MAP3K4: variants seen among roughly 807,000 people sequenced by gnomAD.
The protein encoded by MAP3K4 is MAP three kinase 1.
Under a neutral mutation model 185.6 loss-of-function variants are expected in MAP3K4, and 67 were observed. The observed-to-expected ratio is 0.36, with a 90% CI of 0.30 to 0.44. The LOEUF is 0.44. Among genes scored for constraint, MAP3K4 ranks in the 20% least tolerant of loss-of-function variants. The probability of loss-of-function intolerance (pLI) is 1.00; values close to 1 mark genes in which losing one functional copy is unlikely to be tolerated. For missense variants in MAP3K4, 1,551 were observed against 1,995.1 expected, an observed-to-expected ratio of 0.78 and a Z score of 4.24; for synonymous variants, 702 against 710.4, an observed-to-expected ratio of 0.99 and a Z score of 0.19.
chr6:161,049,369 C>T lies in MAP3K4; in HGVS notation c.1097C>T (p.Ala366Val). Residue 366 changes from alanine (A) to valine (V), a missense_variant, in exon 3 of 27, where the codon GCA (alanine) becomes GTA (valine). By Grantham distance (64) the Ala-to-Val change is moderately conservative. Transcript: ENST00000392142. The surrounding 1 kb of genome is among the most constrained non-coding windows in gnomAD (Gnocchi z 8.4). ...ATGGAGCTGCTAGAGTACATAGAAG[C>T]ACTTTATCCATCATTGCAGGCTCTT... ...RIMELLEYIE[A>V]LYPSLQALQK... 1 of 1,614,148 alleles carries T rather than the reference C, an allele frequency of 6.2e-7. No homozygotes were observed. The highest frequency in any genetic ancestry group is 8.5e-7 in the Non-Finnish European group (1 of 1,180,014).
intron 1 of MAP3K4, among the ~76,000 whole-genome samples, chr6:161,028,658 CT>C (rs1046158888): frequency 4.4e-4 from 65 of 146,784 alleles, no homozygotes; most frequent in Non-Finnish European, 5.1e-4. Flanking sequence ...CATAGGAAAT[CT>C]TTTTTTTTTT....
chr6:161,024,251 G>A (rs182794793), intron 1 of MAP3K4, among the ~76,000 whole-genome samples: 163 of 152,144 alleles, frequency 1.1e-3, no homozygotes, highest in Non-Finnish European at 1.6e-3. Context: ...TTATAGATGC[G>A]AGCCGCCACA....
At position 161,093,074 on chromosome 6, in the gene MAP3K4, G is replaced by GT. The variant is rs755721650; in HGVS notation, c.3348+25dup. The GT allele has an allele frequency of 3.9e-6, 6 of 1,553,598 alleles. No homozygotes were observed. Among genetic ancestry groups the GT allele is most frequent in the East Asian group, 2.3e-5 (1 of 43,902 alleles). The stretch of plus-strand genomic sequence containing the variant: ...ACTTCTTGGTATGGATTATTCTAAA[G>GT]TTTTTTTCATTATAAAATAAGCCAG... On this transcript the variant is annotated intron_variant, in intron 14 of 26. Transcript: ENST00000392142. This position sits in a 1 kb window ranked among gnomAD's most constrained non-coding sequence, Gnocchi z 5.2.
At position 161,109,924 on chromosome 6, in the gene MAP3K4, C is replaced by T. The variant is rs1583247706; in HGVS notation, c.4396+10C>T. The T allele has an allele frequency of 1.2e-6, 2 of 1,613,216 alleles. No homozygotes were observed. The highest frequency in any genetic ancestry group is 2.2e-5 in the East Asian group (1 of 44,876). On this transcript the variant is annotated intron_variant, in intron 23 of 26. Transcript: ENST00000392142. This position sits in a 1 kb window ranked among gnomAD's most constrained non-coding sequence, Gnocchi z 5.7. ...CACCGTGACATTAAAGGTAATCCCA[C>T]ACCCGCCTGGCTGCTGTGGGCCAGA...
chr6:161,029,921 T>G (rs1331807872), intron 1 of MAP3K4, among the ~76,000 whole-genome samples: 2 of 152,206 alleles, frequency 1.3e-5, no homozygotes, highest in Non-Finnish European at 2.9e-5. Context: ...AATATGTTAC[T>G]TCTAAGCTAA....
At chr6:161,039,458 C>G (rs1178686972) in intron 2 of MAP3K4, among the ~76,000 whole-genome samples, 1 of 152,136 alleles carries the variant, frequency 6.6e-6, no homozygotes, top group Non-Finnish European at 1.5e-5. Context: ...GTTATTACCT[C>G]TGTAGGCTCA....
At chr6:161,089,616 C>A in intron 11 of MAP3K4, 145 bp downstream of exon 11, 3 of 726,364 alleles carry the variant, frequency 4.1e-6, no homozygotes, top group Non-Finnish European at 4.3e-6. Context: ...TACATATTTT[C>A]TTATGTCTAA....
In MAP3K4 at chr6:161,088,062, G is replaced by A. The variant is rs1785828869; in HGVS notation, c.2823+108G>A. 18 of 1,158,726 alleles carry A rather than the reference G, an allele frequency of 1.6e-5. No individual in the cohort carries two copies. Among genetic ancestry groups the A allele is most frequent in the Admixed American group, 3.0e-5 (1 of 33,294 alleles). The allele number at this position is 1,158,726 out of a possible 1,614,324, so 71.8% of individuals were successfully genotyped here. ...GGTTTGACTACCCTAGTAATCACAAGTATATACTTCCCAAAAATATGCCTC... is the reference window on the plus strand; with the variant it reads ...GGTTTGACTACCCTAGTAATCACAAATATATACTTCCCAAAAATATGCCTC... On this transcript the variant is annotated intron_variant, in intron 10 of 26. Transcript: ENST00000392142. The surrounding 1 kb of genome is among the most constrained non-coding windows in gnomAD (Gnocchi z 4.5).
chr6:161,060,768 C>G (rs898648585), intron 3 of MAP3K4, among the ~76,000 whole-genome samples: 1 of 151,778 alleles, frequency 6.6e-6, no homozygotes. Context: ...TACAGGCATG[C>G]GCCACCACGC....
chr6:161,041,912 CT>C lies in MAP3K4; in HGVS notation c.344-6691del, dbSNP rs1184107037. 1.5e-3 allele frequency among the ~76,000 whole-genome samples: 95 copies of C among 64,042 alleles called. 2 individuals are homozygous for C. The highest frequency in any genetic ancestry group is 5.4e-3 in the African/African-American group (86 of 15,876). The allele number at this position is 64,042 out of a possible 152,430, so 42.0% of individuals were successfully genotyped here. On this transcript the variant is annotated intron_variant, in intron 2 of 26. Coordinates refer to ENST00000392142, the MANE Select transcript of MAP3K4 (RefSeq NM_005922.4). ...GGGTAAAGGCCTTGAGTTATTGTTTCTTTTTTTTTTTTTCTTTTTTTTTTTT... is the reference window on the plus strand; with the variant it reads ...GGGTAAAGGCCTTGAGTTATTGTTTCTTTTTTTTTTTTCTTTTTTTTTTTT...
chr6:160,991,974 G>A lies in MAP3K4; in HGVS notation c.43G>A (p.Ala15Thr). 6.5e-7 allele frequency: 1 copy of A among 1,545,130 alleles called. No individual in the cohort carries two copies. Among genetic ancestry groups the A allele is most frequent in the Non-Finnish European group, 8.7e-7 (1 of 1,153,384 alleles). ...AAALVPPPAF[A>T]VTPAAAMEEP... The stretch of plus-strand genomic sequence containing the variant: ...CGCGCTGGTCCCTCCTCCCGCCTTT[G>A]CCGTCACGCCTGCCGCCGCCATGGA... The change falls in exon 1 of 27, where the codon GCC becomes ACC. Residue 15 changes from alanine to threonine, a missense_variant. Coordinates refer to ENST00000392142, the MANE Select transcript of MAP3K4 (RefSeq NM_005922.4). The surrounding 1 kb of genome is among the most constrained non-coding windows in gnomAD (Gnocchi z 5.7).
chr6:161,091,968 G>T lies in MAP3K4; in HGVS notation c.3136-42G>T. The T allele has an allele frequency of 1.3e-6, 2 of 1,529,654 alleles. No homozygotes were observed. Among genetic ancestry groups the T allele is most frequent in the South Asian group, 2.3e-5 (2 of 88,796 alleles). The allele number at this position is 1,529,654 out of a possible 1,614,324, so 94.8% of individuals were successfully genotyped here. On this transcript the variant is annotated intron_variant, in intron 12 of 26. Coordinates refer to ENST00000392142, the MANE Select transcript of MAP3K4 (RefSeq NM_005922.4). The surrounding 1 kb of genome is among the most constrained non-coding windows in gnomAD (Gnocchi z 5.5). ...ATTATAGTGTGTGATATTATTTAAT[G>T]ATCATTTCCTTAATGTTGATATACA...
intron 1 of MAP3K4, among the ~76,000 whole-genome samples, chr6:161,015,019 G>T (rs1384133941): frequency 6.6e-6 from 1 of 152,056 alleles, no homozygotes; most frequent in Non-Finnish European, 1.5e-5. Flanking sequence ...TAATATGTGG[G>T]TTTTTTTGTG....
At position 161,108,116 on chromosome 6, in the gene MAP3K4, G is replaced by T. The variant is rs1254273977; in HGVS notation, c.4119+147G>T. ...GACAGTCAGGACCAACCAGGCAGAT[G>T]CACTGAGATAACACACACAGACAGT... On this transcript the variant is annotated intron_variant, in intron 21 of 26. Transcript: ENST00000392142. The surrounding 1 kb of genome is among the most constrained non-coding windows in gnomAD (Gnocchi z 5.7). The T allele has an allele frequency of 1.5e-6, 1 of 648,056 alleles. No individual in the cohort carries two copies. The highest frequency in any genetic ancestry group is 1.8e-5 in the African/African-American group (1 of 54,928). 40.1% of individuals were successfully genotyped at this position (648,056 alleles called of 1,614,324 possible).
Position 161,115,352 on chromosome 6 carries a change from TG to T in MAP3K4, c.4806+51del, listed in dbSNP as rs768943289. The T allele has an allele frequency of 6.2e-5, 95 of 1,520,806 alleles. No homozygotes were observed. The highest frequency in any genetic ancestry group is 2.4e-4 in the Admixed American group (12 of 50,370). The allele number at this position is 1,520,806 out of a possible 1,614,324, so 94.2% of individuals were successfully genotyped here. On this transcript the variant is annotated intron_variant, in intron 26 of 26. Transcript: ENST00000392142. This position sits in a 1 kb window ranked among gnomAD's most constrained non-coding sequence, Gnocchi z 6.0. ...TTTTCATGTTTAAGTGTTTAAGTTCTGTTTTGCATCAAGACGTTAATGAAAT... is the reference window on the plus strand; with the variant it reads ...TTTTCATGTTTAAGTGTTTAAGTTCTTTTTGCATCAAGACGTTAATGAAAT...
At position 161,098,793 on chromosome 6, in the gene MAP3K4, T is replaced by G. The variant is rs1376608257; in HGVS notation, c.3674+366T>G. Among the ~76,000 whole-genome samples, 1 of 152,218 alleles carries G rather than the reference T, an allele frequency of 6.6e-6. No homozygotes were observed. Among genetic ancestry groups the G allele is most frequent in the Admixed American group, 6.5e-5 (1 of 15,286 alleles). On this transcript the variant is annotated intron_variant, in intron 17 of 26. Coordinates refer to ENST00000392142, the MANE Select transcript of MAP3K4 (RefSeq NM_005922.4). This position sits in a 1 kb window ranked among gnomAD's most constrained non-coding sequence, Gnocchi z 4.4. Reference sequence around the variant, plus strand: ...AAGGTGGTTAAAAGATGGCATCTAGTTAATGATCTGATGTGGTAACATTTT... The same window carrying G: ...AAGGTGGTTAAAAGATGGCATCTAGGTAATGATCTGATGTGGTAACATTTT...
Position 161,010,824 on chromosome 6 carries a change from A to T in MAP3K4, c.152+18741A>T, listed in dbSNP as rs995375515. ...TGTATTCACAACTCTGGAAATTTTG[A>T]GTTAAGGTTAATTAATTGAAGGCTG... On this transcript the variant is annotated intron_variant, in intron 1 of 26. Coordinates refer to ENST00000392142, the MANE Select transcript of MAP3K4 (RefSeq NM_005922.4). 4.6e-5 allele frequency among the ~76,000 whole-genome samples: 7 copies of T among 152,324 alleles called. No individual in the cohort carries two copies. The East Asian group carries it at 1.3e-3, about 29-fold the overall frequency.
At chr6:161,001,693 A>C (rs1484099754) in intron 1 of MAP3K4, among the ~76,000 whole-genome samples, 1 of 152,212 alleles carries the variant, frequency 6.6e-6, no homozygotes, top group East Asian at 1.9e-4. Context: ...TTTTGGTAGT[A>C]GATAGGCTTT....
At chr6:161,011,608 A>C (rs1233086757) in intron 1 of MAP3K4, among the ~76,000 whole-genome samples, 2 of 152,220 alleles carry the variant, frequency 1.3e-5, no homozygotes, top group Non-Finnish European at 2.9e-5. Flanking sequence ...CCGTCATGAA[A>C]GTTCAACGCC....
Sources: gnomAD v4.1 joint callset for allele counts (sites outside exome capture counted in the v4.1 genomes callset) on GRCh38, gnomAD v4.1.1 for gene constraint, Gnocchi (gnomAD v3.1) non-coding constraint, MANE v1.5 for transcripts, NCBI Gene and HGNC (gene_info 2026-07-23, HGNC 2026-07-21) for gene names.